The following HUS1 variants were observed in gnomAD, a reference collection of about 807,000 sequenced individuals.
The protein encoded by HUS1 is HUS1 checkpoint clamp component.
In HUS1, 31 loss-of-function variants were observed where a neutral mutation model predicts 32.6. The ratio of observed to expected loss-of-function variants is 0.95; its 90% CI spans 0.72 to 1.28. HUS1 has a LOEUF of 1.28. Among genes scored for constraint, HUS1 ranks in the 50% most tolerant of loss-of-function variants. The probability of loss-of-function intolerance (pLI) is 0.00; values close to 1 mark genes in which losing one functional copy is unlikely to be tolerated. For synonymous variants in HUS1, 123 were observed against 116.6 expected, an observed-to-expected ratio of 1.06 and a Z score of -0.36; for missense variants, 340 against 337.7, an observed-to-expected ratio of 1.01 and a Z score of -0.05.
chr7:47,972,314 C>G (rs1283173703), intron 5 of HUS1, among the ~76,000 whole-genome samples: 1 of 152,186 alleles, frequency 6.6e-6, no homozygotes, highest in African/African-American at 2.4e-5. Flanking sequence ...GGCCTAGATG[C>G]ACTTCAGGCT....
intron 3 of HUS1, 76 bp from the exon 4 acceptor site, chr7:47,976,913 G>C (rs1777170513): frequency 2.1e-6 from 2 of 968,072 alleles, no homozygotes; most frequent in African/African-American, 1.6e-5. Context: ...GAAGACCCGG[G>C]ACAAAAAAGT....
At chr7:47,976,527 T>G in intron 4 of HUS1, 1 of 623,934 alleles carries the variant, frequency 1.6e-6, no homozygotes, top group South Asian at 1.5e-5. Flanking sequence ...CGAGACATTT[T>G]CTACATATAG....
chr7:47,964,131 C>A lies in HUS1; in HGVS notation c.*1225G>T, dbSNP rs575213560. On this transcript the variant is annotated 3_prime_UTR_variant, in exon 8 of 8. Coordinates refer to ENST00000258774, the MANE Select transcript of HUS1 (RefSeq NM_004507.4). The stretch of plus-strand genomic sequence containing the variant: ...TGATGGCTGATGCCTGTAATCCCAG[C>A]ACTTTGGGAGGCCCAGGTGGGCGGG... 6.6e-6 allele frequency: 1 copy of A among 152,380 alleles called. No individual in the cohort carries two copies. Among genetic ancestry groups the A allele is most frequent in the South Asian group, 2.1e-4 (1 of 4,830 alleles). The allele number at this position is 152,380 out of a possible 1,614,324, so 9.4% of individuals were successfully genotyped here.
At chr7:47,978,158 A>G in intron 3 of HUS1, 1 of 384,032 alleles carries the variant, frequency 2.6e-6, no homozygotes, top group Non-Finnish European at 4.7e-6. Context: ...AGGTGACAAT[A>G]CCACTACAAG....
rs1473213789 is a variant in HUS1 at position 47,979,485 on chromosome 7, C to G, written c.35G>C (p.Cys12Ser). The stretch of plus-strand genomic sequence containing the variant: ...CTGCTCACGTGTGAAGTGGTTCAGA[C>G]AGGCCCCGTCCACGATCTTGGCCCG... ...KFRAKIVDGACLNHFTRISNM... is the reference protein window; with the variant it reads ...KFRAKIVDGASLNHFTRISNM... Residue 12 changes from cysteine (C) to serine (S), a missense_variant, in exon 1 of 8, where the codon TGT becomes TCT. Coordinates refer to ENST00000258774, the MANE Select transcript of HUS1 (RefSeq NM_004507.4). 2 of 1,613,368 alleles carry G rather than the reference C, an allele frequency of 1.2e-6. No homozygotes were observed. Among genetic ancestry groups the G allele is most frequent in the South Asian group, 1.1e-5 (1 of 91,088 alleles).
At chr7:47,965,509 A>G in intron 7 of HUS1, 71 bp from the exon 8 acceptor site, 1 of 1,121,198 alleles carries the variant, frequency 8.9e-7, no homozygotes, top group African/African-American at 1.5e-5. Context: ...CTTTTTCAGA[A>G]CAGCCTTCCC....
At position 47,979,495 on chromosome 7, in the gene HUS1, C is replaced by T. The variant is rs1467385363; in HGVS notation, c.25G>A (p.Asp9Asn). The change falls in exon 1 of 8, where the codon GAC becomes AAC. Residue 9 changes from aspartate to asparagine, a missense_variant. Physicochemically the swap from Asp to Asn is conservative, Grantham distance 23. Transcript: ENST00000258774. Reference protein sequence around the residue: MKFRAKIVDGACLNHFTRI... With the variant: MKFRAKIVNGACLNHFTRI... The stretch of plus-strand genomic sequence containing the variant: ...GTGAAGTGGTTCAGACAGGCCCCGT[C>T]CACGATCTTGGCCCGAAACTTCATG... 1 of 1,613,188 alleles carries T rather than the reference C, an allele frequency of 6.2e-7. No homozygotes were observed. Among genetic ancestry groups the T allele is most frequent in the Admixed American group, 1.7e-5 (1 of 60,024 alleles).
intron 5 of HUS1, among the ~76,000 whole-genome samples, chr7:47,970,214 A>C (rs1243446944): frequency 1.4e-4 from 20 of 138,492 alleles, no homozygotes; most frequent in African/African-American, 2.1e-4. Context: ...GCCTGGGTGA[A>C]AGAGCGAGAC....
Position 47,969,272 on chromosome 7 carries a change from G to A in HUS1, c.587C>T (p.Thr196Ile), listed in dbSNP as rs138848570. Residue 196 changes from threonine (T) to isoleucine (I), a missense_variant, in exon 6 of 8, where the codon ACT becomes ATT. By Grantham distance (89) the Thr-to-Ile change is moderately conservative. Transcript: ENST00000258774. ...LDGELNLKIE[T>I]ELVCVTTHFK... Reference sequence around the variant, plus strand: ...ATGAGTTGTAACACATACTAATTCAGTTTCTATTTTCAAATTCAATTCTCC... The same window carrying A: ...ATGAGTTGTAACACATACTAATTCAATTTCTATTTTCAAATTCAATTCTCC... The A allele has an allele frequency of 6.3e-7, 1 of 1,592,662 alleles. No individual in the cohort carries two copies. The highest frequency in any genetic ancestry group is 8.6e-7 in the Non-Finnish European group (1 of 1,164,220).
chr7:47,967,052 C>T (rs2686838), intron 7 of HUS1, among the ~76,000 whole-genome samples: 69,843 of 152,050 alleles, frequency 0.46, 16,788 homozygotes, highest in East Asian at 0.54. Context: ...TCCTTCTCTA[C>T]AGCACACTGC....
At chr7:47,979,445 T>C (rs1467933996) in intron 1 of HUS1, 23 bp downstream of exon 1, 4 of 1,613,180 alleles carry the variant, frequency 2.5e-6, no homozygotes, top group Admixed American at 1.7e-5. Context: ...CCTCCCTCGC[T>C]CCTCTCCGGC....
intron 1 of HUS1, 111 bp downstream of exon 1, chr7:47,979,357 C>G (rs906139848): frequency 1.5e-6 from 2 of 1,325,092 alleles, no homozygotes; most frequent in Non-Finnish European, 2.1e-6. Flanking sequence ...CCCATCCTCC[C>G]GCGGCCCCTT....
At chr7:47,969,124 A>G in intron 6 of HUS1, 95 bp downstream of exon 6, 1 of 648,516 alleles carries the variant, frequency 1.5e-6, no homozygotes, top group South Asian at 1.8e-5. Flanking sequence ...AAGTCAACTG[A>G]ATTTCAACCT....
chr7:47,975,684 T>A lies in HUS1; in HGVS notation c.469A>T (p.Ser157Cys). The change falls in exon 5 of 8, where the codon AGT becomes TGT. Residue 157 changes from serine to cysteine, a missense_variant. Transcript: ENST00000258774. ...GTCTTCAAGACTGGTAAATAAATAC[T>A]AACCTACAAAACCAATGAGAAAAAA... ...QEPVVPDPDV[S>C]IYLPVLKTMK... 1 of 1,573,204 alleles carries A rather than the reference T, an allele frequency of 6.4e-7. No homozygotes were observed. Among genetic ancestry groups the A allele is most frequent in the Non-Finnish European group, 8.7e-7 (1 of 1,148,364 alleles).
rs1583711264 is a variant in HUS1, at chr7:47,965,088, G to T, written c.*268C>A. The stretch of plus-strand genomic sequence containing the variant: ...ATTTTCACAACATCAATGAGAAATT[G>T]TTCTTTAAAGTCTGAATAAATAAAT... On this transcript the variant is annotated 3_prime_UTR_variant, in exon 8 of 8. Transcript: ENST00000258774. 3.1e-6 allele frequency: 1 copy of T among 324,038 alleles called. No individual in the cohort carries two copies. The highest frequency in any genetic ancestry group is 5.8e-6 in the Non-Finnish European group (1 of 171,418). The allele number at this position is 324,038 out of a possible 1,614,324, so 20.1% of individuals were successfully genotyped here.
At chr7:47,967,723 A>C in intron 7 of HUS1, 83 bp downstream of exon 7, 1 of 1,120,308 alleles carries the variant, frequency 8.9e-7, no homozygotes, top group Non-Finnish European at 1.2e-6. Flanking sequence ...TTATGAGACT[A>C]TATGCAATCT....
In HUS1 at chr7:47,971,549, G is replaced by C. The variant is rs547543901; in HGVS notation, c.541-2231C>G. 39 of 456,708 alleles carry C rather than the reference G, an allele frequency of 8.5e-5. 1 individual carries two copies. Among genetic ancestry groups the C allele is most frequent in the South Asian group, 6.0e-4 (39 of 64,572 alleles). 28.3% of individuals were successfully genotyped at this position (456,708 alleles called of 1,614,324 possible). A position where few individuals can be genotyped will look rare whatever the true frequency, so the allele number is the denominator to read the frequency against. Reference sequence around the variant, plus strand: ...TGAAGCATATGCCACAGTATGGTTTGAGGTTTTGCTAACCTATCCTGGTCC... The same window carrying C: ...TGAAGCATATGCCACAGTATGGTTTCAGGTTTTGCTAACCTATCCTGGTCC... On this transcript the variant is annotated intron_variant, in intron 5 of 7. Coordinates refer to ENST00000258774, the MANE Select transcript of HUS1 (RefSeq NM_004507.4).
rs1237770919 is a variant in HUS1 at position 47,967,909 on chromosome 7, A to G, written c.657T>C (p.His219=). The change falls in exon 7 of 8, where the codon CAT becomes CAC. Residue 219 remains histidine (H), a synonymous_variant. Coordinates refer to ENST00000258774, the MANE Select transcript of HUS1 (RefSeq NM_004507.4). ...GNPPLASEST[H]EDRNVEHMAE... is the part of the protein sequence containing the mutation. The stretch of plus-strand genomic sequence containing the variant: ...CCATGTGTTCCACGTTTCTGTCCTC[A>G]TGGGTGCTTTCAGAGGCTAAAATGA... The G allele has an allele frequency of 6.2e-7, 1 of 1,612,648 alleles. No individual in the cohort carries two copies. Among genetic ancestry groups the G allele is most frequent in the Non-Finnish European group, 8.5e-7 (1 of 1,179,338 alleles).
intron 5 of HUS1, among the ~76,000 whole-genome samples, chr7:47,973,726 C>T (rs1044041851): frequency 6.6e-6 from 1 of 152,194 alleles, no homozygotes; most frequent in Non-Finnish European, 1.5e-5. Context: ...GTAGTAGCCT[C>T]TCCACAATAT....
Sources: allele counts gnomAD v4.1 joint callset (sites outside exome capture counted in the v4.1 genomes callset), GRCh38; gene constraint gnomAD v4.1.1; transcripts MANE v1.5; gene names NCBI Gene and HGNC (gene_info 2026-07-23, HGNC 2026-07-21).